ADAM32: variants seen among roughly 807,000 people sequenced by gnomAD.
ADAM32 encodes ADAM metallopeptidase domain 32.
In ADAM32, 89 loss-of-function variants were observed where a neutral mutation model predicts 114.9. That is an observed-to-expected ratio of 0.77 (90% CI 0.65 to 0.92). The LOEUF (loss-of-function observed/expected upper bound fraction) is 0.92, where lower values mean the gene tolerates loss of function less well. Among genes scored for constraint, ADAM32 ranks in the 40% least tolerant of loss-of-function variants. The pLI is 0.00. For synonymous variants in ADAM32, 285 were observed against 307.5 expected, an observed-to-expected ratio of 0.93 and a Z score of 0.77; for missense variants, 870 against 932.8, an observed-to-expected ratio of 0.93 and a Z score of 0.88.
At chr8:39,270,850 A>G (rs752410631) in intron 19 of ADAM32, 26 bp from the exon 20 acceptor site, 1 of 1,593,944 alleles carries the variant, frequency 6.3e-7, no homozygotes, top group African/African-American at 1.3e-5. Context: ...AAGTACTAAC[A>G]TGAGACATTT....
chr8:39,274,450 G>A, intron 21 of ADAM32, 100 bp downstream of exon 21: 1 of 1,369,622 alleles, frequency 7.3e-7, no homozygotes, highest in Non-Finnish European at 1.0e-6. Context: ...AATGTCAATT[G>A]GTAAAGCAAT....
chr8:39,216,161 T>A (rs373634266), intron 12 of ADAM32, among the ~76,000 whole-genome samples: 32 of 152,212 alleles, frequency 2.1e-4, no homozygotes, highest in African/African-American at 7.7e-4. Context: ...ATGACCTTCT[T>A]TGTCTCTTAT....
At chr8:39,266,707 G>A (rs1397694680) in intron 19 of ADAM32, among the ~76,000 whole-genome samples, 6 of 152,084 alleles carry the variant, frequency 3.9e-5, no homozygotes, top group Non-Finnish European at 8.8e-5. Context: ...GTGGTTGTTT[G>A]GTGTTAAAAA....
intron 20 of ADAM32, 28 bp from the exon 21 acceptor site, chr8:39,274,284 T>C: frequency 6.2e-7 from 1 of 1,612,554 alleles, no homozygotes; most frequent in Non-Finnish European, 8.5e-7. Context: ...AGTACTAACT[T>C]GAGACATTGC....
chr8:39,200,255 C>T (rs1021345118), intron 11 of ADAM32, among the ~76,000 whole-genome samples: 2 of 152,160 alleles, frequency 1.3e-5, no homozygotes, highest in African/African-American at 4.8e-5. Flanking sequence ...AAAAATGTTC[C>T]TATTTCTCCA....
chr8:39,126,289 T>C (rs1424921341), intron 2 of ADAM32, among the ~76,000 whole-genome samples: 3 of 152,228 alleles, frequency 2.0e-5, no homozygotes, highest in Admixed American at 6.5e-5. Flanking sequence ...TTCATGATAT[T>C]GATTCTTCCT....
At chr8:39,250,170 T>G (rs1235955528) in intron 17 of ADAM32, among the ~76,000 whole-genome samples, 1 of 152,080 alleles carries the variant, frequency 6.6e-6, no homozygotes, top group East Asian at 1.9e-4. Context: ...ATTTCTTCTA[T>G]TCCATTCTTT....
chr8:39,257,158 T>G (rs748595791), intron 18 of ADAM32, 29 bp from the exon 19 acceptor site: 76 of 316,120 alleles, frequency 2.4e-4, no homozygotes, highest in Non-Finnish European at 3.0e-4. Context: ...AATTTTTTTG[T>G]TTTTTTTTTT....
intron 1 of ADAM32, among the ~76,000 whole-genome samples, chr8:39,108,394 C>T (rs116911999): frequency 6.6e-6 from 1 of 152,252 alleles, no homozygotes; most frequent in Non-Finnish European, 1.5e-5. Context: ...TCGTAGTTCT[C>T]CAGAACTATG....
intron 6 of ADAM32, chr8:39,157,735 C>T (rs965484275): frequency 2.4e-5 from 33 of 1,349,220 alleles, no homozygotes; most frequent in Non-Finnish European, 3.4e-5. Context: ...TCCCACCACA[C>T]AGCACTTCAG....
intron 23 of ADAM32, among the ~76,000 whole-genome samples, chr8:39,282,472 G>A (rs2129451826): frequency 6.6e-6 from 1 of 152,134 alleles, no homozygotes; most frequent in South Asian, 2.1e-4. Flanking sequence ...ATAGACAAGG[G>A]CATCATCTAT....
intron 10 of ADAM32, among the ~76,000 whole-genome samples, chr8:39,182,070 C>T (rs1805933112): frequency 6.6e-6 from 1 of 152,126 alleles, no homozygotes; most frequent in African/African-American, 2.4e-5. Flanking sequence ...TATATCAAGA[C>T]ATTATAAACA....
intron 6 of ADAM32, among the ~76,000 whole-genome samples, chr8:39,159,289 T>C (rs1447410835): frequency 6.6e-6 from 1 of 152,232 alleles, no homozygotes; most frequent in Non-Finnish European, 1.5e-5. Context: ...TTTCTTTAAA[T>C]TACTGGAGCC....
intron 2 of ADAM32, among the ~76,000 whole-genome samples, chr8:39,128,985 G>A (rs1802274752): frequency 6.6e-6 from 1 of 152,040 alleles, no homozygotes; most frequent in Non-Finnish European, 1.5e-5. Flanking sequence ...TCATGCTATT[G>A]TGAACTGAAA....
rs561426129 is a variant in ADAM32 at position 39,201,436 on chromosome 8, A to G, written c.1053-9708A>G. ...TGATTTGGCTCTCTGTTTGTCTATC[A>G]TTGGTATATAGGAATGCTTGTGATT... On this transcript the variant is annotated intron_variant, in intron 11 of 24. Coordinates refer to ENST00000379907, the MANE Select transcript of ADAM32 (RefSeq NM_145004.7). Among the ~76,000 whole-genome samples, 111 of 151,328 alleles carry G rather than the reference A, an allele frequency of 7.3e-4. 2 individuals carry two copies. The highest frequency in any genetic ancestry group is 2.5e-3 in the African/African-American group (105 of 41,418).
chr8:39,266,595 C>G (rs1283764094), intron 19 of ADAM32, among the ~76,000 whole-genome samples: 3 of 152,082 alleles, frequency 2.0e-5, no homozygotes, highest in Non-Finnish European at 1.5e-5. Context: ...GAGTTTCGAC[C>G]TTCTGTATGT....
intron 11 of ADAM32, among the ~76,000 whole-genome samples, chr8:39,193,103 C>A (rs1806712276): frequency 6.6e-6 from 1 of 152,150 alleles, no homozygotes; most frequent in Admixed American, 6.5e-5. Flanking sequence ...TTCCAAGTTG[C>A]TTCCATTCTC....
chr8:39,175,831 T>C (rs1362086477), intron 10 of ADAM32, among the ~76,000 whole-genome samples: 1 of 152,192 alleles, frequency 6.6e-6, no homozygotes, highest in Non-Finnish European at 1.5e-5. Context: ...GTTGATAGGC[T>C]ATTCATTAGT....
At chr8:39,255,192 C>T (rs1474329677) in intron 18 of ADAM32, among the ~76,000 whole-genome samples, 1 of 151,712 alleles carries the variant, frequency 6.6e-6, no homozygotes, top group African/African-American at 2.4e-5. Flanking sequence ...TTTGTGTTAG[C>T]GTCTTTTTAT....
Sources: allele counts gnomAD v4.1 joint callset (sites outside exome capture counted in the v4.1 genomes callset), GRCh38; gene constraint gnomAD v4.1.1; transcripts MANE v1.5; gene names NCBI Gene and HGNC (gene_info 2026-07-23, HGNC 2026-07-21).